NAF1: variants seen among roughly 807,000 people sequenced by gnomAD.
The protein encoded by NAF1 is nuclear assembly factor 1 ribonucleoprotein, also known as H/ACA ribonucleoprotein complex non-core subunit NAF1.
A neutral mutation model predicts 40.6 loss-of-function variants in NAF1; 11 were observed. The ratio of observed to expected loss-of-function variants is 0.27; its 90% CI spans 0.17 to 0.45. The LOEUF (loss-of-function observed/expected upper bound fraction) is 0.45. NAF1 is among the 20% of genes least tolerant of loss of function. The pLI is 1.00. For synonymous variants in NAF1, 260 were observed against 228.5 expected (o/e 1.14, Z -1.24); for missense variants, 607 against 611.1 (o/e 0.99, Z 0.07).
downstream of NAF1, among the ~76,000 whole-genome samples, chr4:163,122,435 A>C (rs564880417): frequency 6.6e-6 from 1 of 152,310 alleles, no homozygotes; most frequent in Admixed American, 6.5e-5. Context: ...GCCCCAAAAC[A>C]ATGGAGACCT....
chr4:163,152,523 T>C (rs901274248), intron 2 of NAF1, among the ~76,000 whole-genome samples: 1 of 152,216 alleles, frequency 6.6e-6, no homozygotes, highest in African/African-American at 2.4e-5. Flanking sequence ...TTCCAACCTA[T>C]GTACTGGAAG....
At chr4:163,114,541 G>A (rs935945190) in intron 2 of NAF1, among the ~76,000 whole-genome samples, 5 of 152,156 alleles carry the variant, frequency 3.3e-5, no homozygotes, top group African/African-American at 1.2e-4. Context: ...GGATAATCAC[G>A]TGTTAAACCA....
rs189171850 is a variant in NAF1 at position 163,155,312 on chromosome 4, C to T, written c.541-6878G>A. 4.6e-5 allele frequency among the ~76,000 whole-genome samples: 7 copies of T among 152,240 alleles called. No homozygotes were observed. In the East Asian group the frequency reaches 1.4e-3, roughly 29 times the overall value. The stretch of plus-strand genomic sequence containing the variant: ...ACCATAACTAAGACCTTTTTAGTCC[C>T]AATCATAACGAGGACCCAGTCTTGC... On this transcript the variant is annotated intron_variant, in intron 2 of 7. Transcript: ENST00000274054.
chr4:163,138,070 A>C (rs1483356860), intron 5 of NAF1, among the ~76,000 whole-genome samples: 1 of 152,160 alleles, frequency 6.6e-6, no homozygotes, highest in East Asian at 1.9e-4. Context: ...TCACAAAGTA[A>C]AATATTACAA....
At chr4:163,153,382 CCT>C (rs1171145729) in intron 2 of NAF1, among the ~76,000 whole-genome samples, 1 of 152,200 alleles carries the variant, frequency 6.6e-6, no homozygotes, top group Non-Finnish European at 1.5e-5. Flanking sequence ...CAATCAGCAC[CCT>C]GTGTTTAGCT....
chr4:163,134,502 T>C (rs1730983133), intron 6 of NAF1, among the ~76,000 whole-genome samples: 1 of 152,208 alleles, frequency 6.6e-6, no homozygotes, highest in Non-Finnish European at 1.5e-5. Flanking sequence ...TTAAATCTGG[T>C]ATCTGAAAGA....
intron 4 of NAF1, chr4:163,143,877 A>G (rs773446805): frequency 6.8e-6 from 2 of 293,254 alleles, no homozygotes; most frequent in Non-Finnish European, 1.0e-5. Context: ...TCCCATCAAC[A>G]AAAATGAAGA....
At chr4:163,142,200 A>G (rs1483219990) in intron 4 of NAF1, among the ~76,000 whole-genome samples, 5 of 152,236 alleles carry the variant, frequency 3.3e-5, no homozygotes, top group Admixed American at 3.3e-4. Flanking sequence ...TACATGACAT[A>G]TATTATTGTA....
At chr4:163,140,194 G>T in intron 5 of NAF1, 29 bp downstream of exon 5, 1 of 1,536,152 alleles carries the variant, frequency 6.5e-7, no homozygotes, top group South Asian at 1.2e-5. Flanking sequence ...TTAGGTAAGT[G>T]AAGAACAACA....
Position 163,166,845 on chromosome 4 carries a change from T to C in NAF1, c.-118A>G, listed in dbSNP as rs1378600937. The C allele has an allele frequency of 7.5e-7, 1 of 1,342,004 alleles. No individual in the cohort carries two copies. Among genetic ancestry groups the C allele is most frequent in the Non-Finnish European group, 1.0e-6 (1 of 1,003,240 alleles). The allele number at this position is 1,342,004 out of a possible 1,614,324, so 83.1% of individuals were successfully genotyped here. A position where few individuals can be genotyped will look rare whatever the true frequency, so the allele number is the denominator to read the frequency against. On this transcript the variant is annotated 5_prime_UTR_variant, in exon 1 of 8. Coordinates refer to ENST00000274054, the MANE Select transcript of NAF1 (RefSeq NM_138386.3). ...CGCAGCAACACTGCCTGGGCCCAACTTCCCGCGTTTCTCAGGTAACTACAC... is the reference window on the plus strand; with the variant it reads ...CGCAGCAACACTGCCTGGGCCCAACCTCCCGCGTTTCTCAGGTAACTACAC...
chr4:163,161,463 ACT>A (rs765569949), intron 2 of NAF1, among the ~76,000 whole-genome samples: 1 of 151,580 alleles, frequency 6.6e-6, no homozygotes, highest in African/African-American at 2.4e-5. Context: ...CAAGAGCGAA[ACT>A]CTGTCCCCCC....
chr4:163,150,863 C>T (rs1421972396), intron 2 of NAF1, among the ~76,000 whole-genome samples: 3 of 152,036 alleles, frequency 2.0e-5, no homozygotes, highest in Admixed American at 6.5e-5. Flanking sequence ...TAAAAAGTCA[C>T]GTCAATTCAC....
At chr4:163,152,778 T>C (rs1731769730) in intron 2 of NAF1, among the ~76,000 whole-genome samples, 1 of 152,240 alleles carries the variant, frequency 6.6e-6, no homozygotes, top group African/African-American at 2.4e-5. Flanking sequence ...ACCGCTGCAC[T>C]GTGGGAGCCC....
At chr4:163,153,952 AG>A (rs1047934474) in intron 2 of NAF1, among the ~76,000 whole-genome samples, 4 of 152,144 alleles carry the variant, frequency 2.6e-5, no homozygotes, top group African/African-American at 9.7e-5. Flanking sequence ...TCCTGAAGCC[AG>A]CGAGACCACG....
intron 2 of NAF1, among the ~76,000 whole-genome samples, chr4:163,113,376 TTA>T (rs926967627): frequency 1.4e-4 from 22 of 151,830 alleles, no homozygotes; most frequent in African/African-American, 4.6e-4. Flanking sequence ...TCCCTTGTTT[TTA>T]TTTTTTTAAT....
intron 1 of NAF1, among the ~76,000 whole-genome samples, chr4:163,166,090 C>CA (rs1054945655): frequency 6.6e-6 from 1 of 152,066 alleles, no homozygotes; most frequent in African/African-American, 2.4e-5. Flanking sequence ...TAAAGTCTAA[C>CA]AAAAAATGAT....
chr4:163,144,234 G>T (rs1056707388), intron 4 of NAF1, among the ~76,000 whole-genome samples: 1 of 152,142 alleles, frequency 6.6e-6, no homozygotes, highest in African/African-American at 2.4e-5. Flanking sequence ...TAATCAGTGG[G>T]GAAGGCAAAG....
chr4:163,126,728 A>G (rs1730666537), downstream of NAF1: 1 of 308,074 alleles, frequency 3.2e-6, no homozygotes, highest in Non-Finnish European at 5.8e-6. Flanking sequence ...GTAGCATCAC[A>G]TGCTACACAG....
At position 163,166,794 on chromosome 4, in the gene NAF1, A is replaced by G. The variant is rs1732500259; in HGVS notation, c.-67T>C. The G allele has an allele frequency of 3.8e-6, 6 of 1,578,772 alleles. No homozygotes were observed. The South Asian group carries it at 5.8e-5, about 15-fold the overall frequency. ...CCTGGACAAGCTCACGGCTCTCTCC[A>G]GAAATAGAAAAACAACTTAGGCAAC... On this transcript the variant is annotated 5_prime_UTR_variant, in exon 1 of 8. Coordinates refer to ENST00000274054, the MANE Select transcript of NAF1 (RefSeq NM_138386.3).
Sources: gnomAD v4.1 joint callset for allele counts (sites outside exome capture counted in the v4.1 genomes callset) on GRCh38, gnomAD v4.1.1 for gene constraint, MANE v1.5 for transcripts, NCBI Gene and HGNC (gene_info 2026-07-23, HGNC 2026-07-21) for gene names.